Variants in GOLIM4 observed in about 807,000 individuals in gnomAD.
The protein encoded by GOLIM4 is 130 kDa golgi-localized phosphoprotein.
A neutral mutation model predicts 107.4 loss-of-function variants in GOLIM4; 71 were observed. That is an observed-to-expected ratio of 0.66 (90% confidence interval 0.55 to 0.81). GOLIM4 has a LOEUF of 0.81. GOLIM4 is among the 30% of genes least tolerant of loss of function. The pLI is 0.00. For synonymous variants in GOLIM4, 327 were observed against 294.8 expected (o/e 1.11, Z -1.12); for missense variants, 830 against 826.1 (o/e 1.00, Z -0.06).
At chr3:168,091,461 C>G (rs770181589) in intron 1 of GOLIM4, among the ~76,000 whole-genome samples, 12 of 152,152 alleles carry the variant, frequency 7.9e-5, no homozygotes, top group Non-Finnish European at 1.3e-4. Flanking sequence ...TAACCGCAGT[C>G]CAAGTTTAAA....
chr3:168,060,698 G>A (rs1233451287), intron 1 of GOLIM4, among the ~76,000 whole-genome samples: 1 of 152,168 alleles, frequency 6.6e-6, no homozygotes, highest in Non-Finnish European at 1.5e-5. Flanking sequence ...TAAGAATGTG[G>A]AGTGCTTGTT....
At chr3:168,037,068 T>A in intron 7 of GOLIM4, 74 bp from the exon 8 acceptor site, 1 of 656,428 alleles carries the variant, frequency 1.5e-6, no homozygotes. Context: ...GGGTACACTG[T>A]AAAACTAGAC....
rs1457190235 is a variant in GOLIM4 at position 168,009,082 on chromosome 3, T to TA, written c.*1186dup. ...ATTATATAACCTAGTGTTATATATT[T>TA]AAAAATCTTTATGCTTGCAACTGAA... is the stretch of plus-strand genomic sequence containing the variant. On this transcript the variant is annotated 3_prime_UTR_variant, in exon 16 of 16. Transcript: ENST00000470487. The TA allele has an allele frequency of 1.3e-5, 2 of 152,098 alleles. No homozygotes were observed. Among genetic ancestry groups the TA allele is most frequent in the Non-Finnish European group, 2.9e-5 (2 of 67,980 alleles). The allele number at this position is 152,098 out of a possible 1,614,324, so 9.4% of individuals were successfully genotyped here.
intron 3 of GOLIM4, among the ~76,000 whole-genome samples, chr3:168,045,489 A>G (rs1470919346): frequency 1.3e-5 from 2 of 152,184 alleles, no homozygotes; most frequent in East Asian, 3.8e-4. Flanking sequence ...ACTTGAGCCT[A>G]AGTCTCTGGC....
chr3:168,035,799 A>C (rs1305762752), intron 8 of GOLIM4, among the ~76,000 whole-genome samples: 1 of 152,008 alleles, frequency 6.6e-6, no homozygotes, highest in Non-Finnish European at 1.5e-5. Flanking sequence ...TAAAACAACC[A>C]CTTTGTCAGA....
At chr3:168,080,251 C>T (rs975532197) in intron 1 of GOLIM4, among the ~76,000 whole-genome samples, 18 of 152,288 alleles carry the variant, frequency 1.2e-4, no homozygotes, top group East Asian at 3.9e-4. Flanking sequence ...CAGAAACGCA[C>T]TCTGAAATGT....
At chr3:168,072,458 C>T (rs1467422949) in intron 1 of GOLIM4, among the ~76,000 whole-genome samples, 1 of 150,358 alleles carries the variant, frequency 6.7e-6, no homozygotes, top group African/African-American at 2.4e-5. Flanking sequence ...AGCTATGAGG[C>T]ATTCTGACTC....
rs2108237394 is a variant in GOLIM4 at position 168,036,830 on chromosome 3, C to T, written c.843+6G>A. On this transcript the variant is annotated splice_donor_region_variant and intron_variant, in intron 8 of 15. Coordinates refer to ENST00000470487, the MANE Select transcript of GOLIM4 (RefSeq NM_014498.5). ...TAACCATAGATTACCAGTTCACGCC[C>T]CTTACCTCCTGCACCTCTCGGGTTG... 1.2e-6 allele frequency: 2 copies of T among 1,608,264 alleles called. No homozygotes were observed. Among genetic ancestry groups the T allele is most frequent in the African/African-American group, 1.3e-5 (1 of 74,950 alleles).
At chr3:168,023,420 C>T (rs953736754) in intron 14 of GOLIM4, among the ~76,000 whole-genome samples, 1 of 152,214 alleles carries the variant, frequency 6.6e-6, no homozygotes, top group African/African-American at 2.4e-5. Flanking sequence ...TAAAGAGCAA[C>T]ATCCTTTTCT....
rs1380199244 is a variant in GOLIM4 at position 168,091,359 on chromosome 3, A to G, written c.187+3740T>C. On this transcript the variant is annotated intron_variant, in intron 1 of 15. Coordinates refer to ENST00000470487, the MANE Select transcript of GOLIM4 (RefSeq NM_014498.5). The stretch of plus-strand genomic sequence containing the variant: ...GCCTTTTATAAAAATTTAAATAGTT[A>G]TATCTCTCTCCCAGATCTCACAGCA... Among the ~76,000 whole-genome samples, 6 of 152,312 alleles carry G rather than the reference A, an allele frequency of 3.9e-5. No individual in the cohort carries two copies. The East Asian group carries it at 5.8e-4, about 15-fold the overall frequency.
At chr3:168,069,084 C>T (rs1449092339) in intron 1 of GOLIM4, among the ~76,000 whole-genome samples, 1 of 152,074 alleles carries the variant, frequency 6.6e-6, no homozygotes, top group Non-Finnish European at 1.5e-5. Flanking sequence ...CTGCTCACCT[C>T]GGCCTCTCAA....
intron 14 of GOLIM4, 39 bp from the exon 15 acceptor site, chr3:168,010,862 T>C (rs1181430356): frequency 2.4e-6 from 3 of 1,274,898 alleles, no homozygotes; most frequent in African/African-American, 2.9e-5. Flanking sequence ...CACTTTTGTC[T>C]TTCAAGCACT....
chr3:168,033,606 CAAAAAAAAAAA>C (rs61728774), intron 8 of GOLIM4, among the ~76,000 whole-genome samples: 21 of 31,310 alleles, frequency 6.7e-4, no homozygotes, highest in Middle Eastern at 0.033. Context: ...GACTCCGTCT[CAAAAAAAAAAA>C]AAAAAAAAAA....
At chr3:168,014,898 T>TA (rs1717275536) in intron 14 of GOLIM4, among the ~76,000 whole-genome samples, 1 of 150,434 alleles carries the variant, frequency 6.6e-6, no homozygotes, top group Non-Finnish European at 1.5e-5. Flanking sequence ...TTCAAAATAA[T>TA]AAGAGCTATC....
intron 1 of GOLIM4, among the ~76,000 whole-genome samples, chr3:168,067,938 CAG>C (rs1394615913): frequency 2.6e-5 from 4 of 151,916 alleles, no homozygotes; most frequent in African/African-American, 9.7e-5. Context: ...TCTTTTCTTT[CAG>C]AGTTTTTTTT....
At position 168,008,715 on chromosome 3, in the gene GOLIM4, T is replaced by TA. The variant is rs1199583105; in HGVS notation, c.*1553dup. ...TTTTTTTTTTAGCTTTATTGACTAT[T>TA]ACCAACTTTCAGTATGGTTCAAATA... is the stretch of plus-strand genomic sequence containing the variant. On this transcript the variant is annotated 3_prime_UTR_variant, in exon 16 of 16. Transcript: ENST00000470487. The TA allele has an allele frequency of 6.6e-6, 1 of 152,150 alleles. No individual in the cohort carries two copies. Among genetic ancestry groups the TA allele is most frequent in the Non-Finnish European group, 1.5e-5 (1 of 68,008 alleles). 9.4% of individuals were successfully genotyped at this position (152,150 alleles called of 1,614,324 possible).
chr3:168,076,464 C>T (rs1416438427), intron 1 of GOLIM4, among the ~76,000 whole-genome samples: 2 of 152,110 alleles, frequency 1.3e-5, no homozygotes, highest in South Asian at 2.1e-4. Flanking sequence ...GAGGCCAAGG[C>T]GGGAGGATCA....
intron 14 of GOLIM4, among the ~76,000 whole-genome samples, chr3:168,011,154 G>T (rs1716993553): frequency 6.6e-6 from 1 of 150,380 alleles, no homozygotes; most frequent in South Asian, 2.1e-4. Flanking sequence ...ACTAGGGAGT[G>T]CCAGACAGTG....
intron 14 of GOLIM4, among the ~76,000 whole-genome samples, chr3:168,014,436 T>C (rs1386306710): frequency 7.6e-6 from 1 of 131,864 alleles, no homozygotes; most frequent in African/African-American, 3.7e-5. Flanking sequence ...ACCAGATGGA[T>C]TCACAGCCGA....
Sources: allele counts gnomAD v4.1 joint callset (sites outside exome capture counted in the v4.1 genomes callset), GRCh38; gene constraint gnomAD v4.1.1; transcripts MANE v1.5; gene names NCBI Gene and HGNC (gene_info 2026-07-23, HGNC 2026-07-21).